The following KLRD1 variants were observed in gnomAD, a reference collection of about 807,000 sequenced individuals.
KLRD1 encodes the protein killer cell lectin like receptor D1.
KLRD1 carries 21 observed loss-of-function variants against 22.6 expected under a neutral mutation model. That is an observed-to-expected ratio of 0.93 (90% CI 0.66 to 1.34). The LOEUF is 1.34. Ranked by LOEUF, KLRD1 falls within the 40% of genes most tolerant of loss-of-function variation. The probability of loss-of-function intolerance (pLI) is 0.00; values close to 1 mark genes in which losing one functional copy is unlikely to be tolerated. For missense variants in KLRD1, 183 were observed against 208.6 expected (o/e 0.88, Z 0.76); for synonymous variants, 59 against 71.1 (o/e 0.83, Z 0.85).
intron 1 of KLRD1, among the ~76,000 whole-genome samples, chr12:10,268,623 G>A (rs1299856495): frequency 2.0e-5 from 3 of 151,972 alleles, no homozygotes; most frequent in East Asian, 1.9e-4. Flanking sequence ...AATTTCAGTC[G>A]TTAATTTCAA....
chr12:10,286,662 CTTTT>C (rs747241701), intron 1 of KLRD1, among the ~76,000 whole-genome samples: 15 of 54,808 alleles, frequency 2.7e-4, no homozygotes, highest in African/African-American at 9.3e-4. Flanking sequence ...GCTTATGGTG[CTTTT>C]TTTTTTTTTT....
At chr12:10,306,970 G>A (rs3809214), upstream of KLRD1, among the ~76,000 whole-genome samples, 84,970 of 151,936 alleles carry the variant, frequency 0.56, 24,641 homozygotes, top group Middle Eastern at 0.68. Context: ...TACACAAAAC[G>A]TTTATTTGAG....
intron 1 of KLRD1, among the ~76,000 whole-genome samples, chr12:10,259,873 G>A (rs566802311): frequency 5.5e-4 from 84 of 152,318 alleles, no homozygotes; most frequent in African/African-American, 2.0e-3. Context: ...GGCTGAGGCA[G>A]GAGACTTGCT....
At chr12:10,288,362 A>G (rs991872344) in intron 1 of KLRD1, among the ~76,000 whole-genome samples, 2 of 152,200 alleles carry the variant, frequency 1.3e-5, no homozygotes, top group Non-Finnish European at 1.5e-5. Context: ...CCTACATTCA[A>G]TATATCTGTG....
chr12:10,242,918 T>G (rs541275941), intron 1 of KLRD1, among the ~76,000 whole-genome samples: 1 of 152,304 alleles, frequency 6.6e-6, no homozygotes, highest in African/African-American at 2.4e-5. Flanking sequence ...AAAAATGTGG[T>G]ATATATACAC....
At chr12:10,239,521 T>TTCTTTCTTTCTCTC (rs1367336712) in intron 1 of KLRD1, among the ~76,000 whole-genome samples, 1 of 20,202 alleles carries the variant, frequency 4.9e-5, no homozygotes, top group African/African-American at 1.7e-4. Context: ...TCCCTCCCCT[T>TTCTTTCTTTCTCTC]TCTTTCTTTC....
chr12:10,257,139 C>CTTTTTTTTTT (rs55950006), intron 1 of KLRD1, among the ~76,000 whole-genome samples: 14 of 130,248 alleles, frequency 1.1e-4, no homozygotes, highest in African/African-American at 3.1e-4. Context: ...CTTTTCTTTT[C>CTTTTTTTTTT]TTTTTTTTTT....
chr12:10,286,662 C>CTTT (rs747241701), intron 1 of KLRD1, among the ~76,000 whole-genome samples: 837 of 54,798 alleles, frequency 0.015, 246 homozygotes, highest in African/African-American at 0.043. Flanking sequence ...GCTTATGGTG[C>CTTT]TTTTTTTTTT....
chr12:10,276,876 C>T (rs1281082893), intron 1 of KLRD1, among the ~76,000 whole-genome samples: 1 of 151,988 alleles, frequency 6.6e-6, no homozygotes, highest in Non-Finnish European at 1.5e-5. Flanking sequence ...TTTCTGCATA[C>T]TTAGTGACAA....
chr12:10,244,804 A>AT (rs1949275628), intron 1 of KLRD1, among the ~76,000 whole-genome samples: 1 of 62,468 alleles, frequency 1.6e-5, no homozygotes, highest in Non-Finnish European at 3.5e-5. Context: ...CAAACAAACA[A>AT]AAAAAAAACC....
rs202089499 is a variant in KLRD1 at position 10,311,610 on chromosome 12, G to A, written c.310G>A (p.Glu104Lys). The A allele has an allele frequency of 3.7e-6, 6 of 1,613,810 alleles. No individual in the cohort carries two copies. The highest frequency in any genetic ancestry group is 5.1e-6 in the Non-Finnish European group (6 of 1,179,856). ...CCTGCTTCAGCTTCAAAACACAGAT[G>A]AACTGGCATGTGCTGAGTCTGATTT... ...SSLLQLQNTD[E>K]LDFMSSSQQF... Residue 104 changes from glutamate (E) to lysine (K), a missense_variant, in exon 4 of 6, where the codon GAA becomes AAA. Coordinates refer to ENST00000336164, the MANE Select transcript of KLRD1 (RefSeq NM_002262.5).
chr12:10,266,537 A>G (rs1354942816), intron 1 of KLRD1, among the ~76,000 whole-genome samples: 1 of 151,762 alleles, frequency 6.6e-6, no homozygotes, highest in African/African-American at 2.4e-5. Flanking sequence ...TGTTTCAACT[A>G]TTTTTTTCCT....
chr12:10,303,086 T>G (rs1949881009), upstream of KLRD1, among the ~76,000 whole-genome samples: 1 of 152,196 alleles, frequency 6.6e-6, no homozygotes, highest in African/African-American at 2.4e-5. Context: ...AGCTTGGAAG[T>G]CAGAAGCAAG....
chr12:10,243,873 GT>G (rs1949265995), intron 1 of KLRD1, among the ~76,000 whole-genome samples: 1 of 152,098 alleles, frequency 6.6e-6, no homozygotes, highest in Admixed American at 6.6e-5. Flanking sequence ...CAATGATTCC[GT>G]GTTTATTTTT....
At chr12:10,309,586 C>A in intron 2 of KLRD1, 40 bp from the exon 3 acceptor site, 1 of 1,453,984 alleles carries the variant, frequency 6.9e-7, no homozygotes, top group Non-Finnish European at 9.7e-7. Flanking sequence ...ATTTCATAAA[C>A]CCATACCTAA....
At chr12:10,279,601 C>T (rs1294861927) in intron 1 of KLRD1, among the ~76,000 whole-genome samples, 1 of 152,142 alleles carries the variant, frequency 6.6e-6, no homozygotes, top group Non-Finnish European at 1.5e-5. Flanking sequence ...TTACAAATTA[C>T]GTTACCTAAA....
At chr12:10,243,031 G>A (rs1479400837) in intron 1 of KLRD1, among the ~76,000 whole-genome samples, 1 of 152,072 alleles carries the variant, frequency 6.6e-6, no homozygotes, top group Non-Finnish European at 1.5e-5. Flanking sequence ...GCCAAGCACA[G>A]AAAGACAAAT....
rs111526499 is a variant in KLRD1, at chr12:10,254,166, C to T, written c.-101+27933C>T. Among the ~76,000 whole-genome samples, 114 of 152,232 alleles carry T rather than the reference C, an allele frequency of 7.5e-4. 1 individual carries two copies. The highest frequency in any genetic ancestry group is 3.4e-3 in the Middle Eastern group (1 of 294). On this transcript the variant is annotated intron_variant, in intron 1 of 5. Transcript: ENST00000544747. ...ACAGAGGGCAGGGCATGGTGGCTCA[C>T]GCCTGTAATCCCAGCACTTTGGGAG...
At chr12:10,311,244 T>A (rs1227834408) in intron 3 of KLRD1, among the ~76,000 whole-genome samples, 1 of 152,200 alleles carries the variant, frequency 6.6e-6, no homozygotes, top group Admixed American at 6.5e-5. Flanking sequence ...TATTGAAAAT[T>A]ATATAATTGT....
Sources: allele counts gnomAD v4.1 joint callset (sites outside exome capture counted in the v4.1 genomes callset), GRCh38; gene constraint gnomAD v4.1.1; transcripts MANE v1.5; gene names NCBI Gene and HGNC (gene_info 2026-07-23, HGNC 2026-07-21).